Variants in MED23 observed in about 807,000 individuals in gnomAD.
MED23 encodes the protein mediator of RNA polymerase II transcription subunit 23.
In MED23, 105 loss-of-function variants were observed where a neutral mutation model predicts 163.9. The ratio of observed to expected loss-of-function variants is 0.64; its 90% CI spans 0.55 to 0.75. The LOEUF is 0.75. Among genes scored for constraint, MED23 ranks in the 30% least tolerant of loss-of-function variants. The pLI is 0.00. For synonymous variants in MED23, 561 were observed against 565.6 expected (o/e 0.99, Z 0.12); for missense variants, 1,054 against 1,649.0 (o/e 0.64, Z 6.25).
intron 13 of MED23, 48 bp from the exon 14 acceptor site, chr6:131,605,533 T>G (rs370410504): frequency 6.8e-7 from 1 of 1,470,752 alleles, no homozygotes; most frequent in Admixed American, 2.3e-5. Flanking sequence ...ATAACTTCCA[T>G]AATGTTAATT....
Position 131,592,638 on chromosome 6 carries a change from A to G in MED23, c.3399-178T>C, listed in dbSNP as rs1774730115. 5 of 637,204 alleles carry G rather than the reference A, an allele frequency of 7.8e-6. No homozygotes were observed. In the East Asian group the frequency reaches 1.4e-4, roughly 17 times the overall value. 39.5% of individuals were successfully genotyped at this position (637,204 alleles called of 1,614,324 possible). On this transcript the variant is annotated intron_variant, in intron 24 of 28. Transcript: ENST00000368068. ...ATGTAATATGCATAAAAACTCAAGAAGGCTTTTTAAAAATACTTCCTCCCC... is the reference window on the plus strand; with the variant it reads ...ATGTAATATGCATAAAAACTCAAGAGGGCTTTTTAAAAATACTTCCTCCCC...
chr6:131,599,304 C>T (rs2114636973), intron 18 of MED23, among the ~76,000 whole-genome samples: 1 of 152,322 alleles, frequency 6.6e-6, no homozygotes, highest in Non-Finnish European at 1.5e-5. Flanking sequence ...ACCAAATGCT[C>T]TAGCCCTACC....
At chr6:131,604,431 G>T in intron 14 of MED23, 111 bp from the exon 15 acceptor site, 1 of 1,203,576 alleles carries the variant, frequency 8.3e-7, no homozygotes, top group Non-Finnish European at 1.2e-6. Context: ...TGATTCAAAT[G>T]AAGTTGATTC....
At chr6:131,594,715 T>G (rs1011439187) in intron 22 of MED23, among the ~76,000 whole-genome samples, 1 of 152,184 alleles carries the variant, frequency 6.6e-6, no homozygotes, top group Non-Finnish European at 1.5e-5. Context: ...AAATCTGGCA[T>G]GTATGAGGCA....
intron 30 of MED23, among the ~76,000 whole-genome samples, chr6:131,577,163 CATACAT>C (rs959641330): frequency 1.3e-5 from 2 of 152,184 alleles, no homozygotes; most frequent in African/African-American, 4.8e-5. Context: ...TGTATATATA[CATACAT>C]ATACATAAGC....
intron 8 of MED23, among the ~76,000 whole-genome samples, 174 bp from the exon 9 acceptor site, chr6:131,618,693 A>G (rs1318668930): frequency 2.6e-5 from 4 of 152,240 alleles, no homozygotes; most frequent in Non-Finnish European, 5.9e-5. Flanking sequence ...TAGTTCAGAT[A>G]GTTGAAGATC....
intron 3 of MED23, 179 bp downstream of exon 3, chr6:131,627,217 C>T (rs1777566971): frequency 6.5e-6 from 4 of 619,558 alleles, no homozygotes; most frequent in South Asian, 2.1e-5. Flanking sequence ...CACAGGTTTT[C>T]CACTGAAATA....
chr6:131,616,180 C>G (rs1198170028), intron 9 of MED23, among the ~76,000 whole-genome samples, 178 bp from the exon 10 acceptor site: 9 of 152,142 alleles, frequency 5.9e-5, no homozygotes, highest in Admixed American at 5.9e-4. Flanking sequence ...TCCCACCCCT[C>G]ATTTGCCTCA....
At chr6:131,597,887 A>T (rs1775186502) in intron 20 of MED23, among the ~76,000 whole-genome samples, 1 of 151,848 alleles carries the variant, frequency 6.6e-6, no homozygotes, top group East Asian at 1.9e-4. Context: ...GGAGTTCGAG[A>T]CCAGCCTGGG....
At position 131,596,539 on chromosome 6, in the gene MED23, G is replaced by A. The variant is rs765045229; in HGVS notation, c.2757C>T (p.Thr919=). The A allele has an allele frequency of 3.7e-6, 6 of 1,614,082 alleles. No individual in the cohort carries two copies. Among genetic ancestry groups the A allele is most frequent in the Non-Finnish European group, 5.1e-6 (6 of 1,179,994 alleles). Residue 919 remains threonine (T), a synonymous_variant, in exon 21 of 29, where the codon ACC becomes ACT. Transcript: ENST00000368068. Reference sequence around the variant, plus strand: ...GTACCTTGTGATAATTCATGTGCTTGGTGTGCCAGTCATTCTGTAACCAGT... The same window carrying A: ...GTACCTTGTGATAATTCATGTGCTTAGTGTGCCAGTCATTCTGTAACCAGT... ...PEHWLQNDWH[T]KHMNYHKKYP...
At chr6:131,594,071 G>T in intron 23 of MED23, 28 bp downstream of exon 23, 1 of 1,498,904 alleles carries the variant, frequency 6.7e-7, no homozygotes, top group Non-Finnish European at 9.3e-7. Context: ...TTATTTCTGG[G>T]AGTCTAAAAT....
Position 131,605,339 on chromosome 6 carries a change from A to C in MED23, c.1514T>G (p.Met505Arg). The change falls in exon 14 of 29, where the codon ATG (methionine) becomes AGG (arginine). Residue 505 changes from methionine (M) to arginine (R), a missense_variant. This residue lies in a region of MED23 where 54 missense variants were observed against 89.8 expected (regional missense o/e 0.60). Transcript: ENST00000368068. ...LVETIYGNGIMRIPLPGTNCM... is the reference protein window; with the variant it reads ...LVETIYGNGIRRIPLPGTNCM... ...GTTTGTTCCAGGGAGAGGTATCCTC[A>C]TAATTCCATTTCCATAAATAGTTTC... The C allele has an allele frequency of 6.2e-7, 1 of 1,613,484 alleles. No individual in the cohort carries two copies. The highest frequency in any genetic ancestry group is 8.5e-7 in the Non-Finnish European group (1 of 1,179,628).
exon 31 of MED23, chr6:131,574,064 C>CTTTTTT: frequency 1.7e-6 from 1 of 593,722 alleles, no homozygotes; most frequent in African/African-American, 1.8e-5. Context: ...ATTGAATACA[C>CTTTTTT]TTTTTTTTCT....
intron 18 of MED23, among the ~76,000 whole-genome samples, chr6:131,599,466 C>T (rs1343853320): frequency 6.6e-6 from 1 of 152,186 alleles, no homozygotes; most frequent in African/African-American, 2.4e-5. Context: ...ATATTACGCA[C>T]ACTCTGTGAA....
chr6:131,604,014 A>G (rs1405461024), intron 15 of MED23, among the ~76,000 whole-genome samples, 164 bp downstream of exon 15: 3 of 152,118 alleles, frequency 2.0e-5, no homozygotes. Context: ...TCTCTATAAC[A>G]TGTATCATCT....
chr6:131,611,103 G>T (rs1403999142), intron 10 of MED23, among the ~76,000 whole-genome samples: 1 of 152,062 alleles, frequency 6.6e-6, no homozygotes, highest in African/African-American at 2.4e-5. Context: ...ATATGACTTA[G>T]TAGCAGGCAG....
At chr6:131,576,737 T>C in intron 30 of MED23, 1 of 1,612,940 alleles carries the variant, frequency 6.2e-7, no homozygotes, top group South Asian at 1.1e-5. Context: ...AAGAACAAGG[T>C]AATTTTTAAG....
chr6:131,598,806 G>A lies in MED23; in HGVS notation c.2221-45C>T. 2 of 1,561,342 alleles carry A rather than the reference G, an allele frequency of 1.3e-6. No homozygotes were observed. The highest frequency in any genetic ancestry group is 2.2e-5 in the East Asian group (1 of 44,546). ...TTTATTTCATTGGTTATAGTAGAAA[G>A]AGCACTGGATATGGAGTTAATAAAC... On this transcript the variant is annotated intron_variant, in intron 18 of 28. Coordinates refer to ENST00000368068, the MANE Select transcript of MED23 (RefSeq NM_004830.4). The surrounding 1 kb of genome is among the most constrained non-coding windows in gnomAD (Gnocchi z 4.7).
intron 15 of MED23, among the ~76,000 whole-genome samples, chr6:131,603,503 C>A (rs528500237): frequency 6.6e-6 from 1 of 152,096 alleles, no homozygotes; most frequent in South Asian, 2.1e-4. Context: ...ATTCTGATAT[C>A]TTTTATTTTT....
Sources: gnomAD v4.1 joint callset for allele counts (sites outside exome capture counted in the v4.1 genomes callset) on GRCh38, gnomAD v4.1.1 for gene constraint, gnomAD v4.1.1 regional missense constraint, Gnocchi (gnomAD v3.1) non-coding constraint, MANE v1.5 for transcripts, NCBI Gene and HGNC (gene_info 2026-07-23, HGNC 2026-07-21) for gene names.